The following RAVER2 variants were observed in gnomAD, a reference collection of about 807,000 sequenced individuals.
RAVER2 encodes the protein ribonucleoprotein, PTB binding 2.
RAVER2 carries 46 observed loss-of-function variants against 78.1 expected under a neutral mutation model. The ratio of observed to expected loss-of-function variants is 0.59; its 90% confidence interval spans 0.46 to 0.75. The LOEUF (loss-of-function observed/expected upper bound fraction) is 0.75, where lower values mean the gene tolerates loss of function less well. Ranked by LOEUF, RAVER2 falls within the 30% of genes least tolerant of loss-of-function variation. The probability of loss-of-function intolerance (pLI) is 0.00; values close to 1 mark genes in which losing one functional copy is unlikely to be tolerated. For missense variants in RAVER2, 793 were observed against 837.5 expected, an observed-to-expected ratio of 0.95 and a Z score of 0.66; for synonymous variants, 311 against 313.3, an observed-to-expected ratio of 0.99 and a Z score of 0.08.
intron 11 of RAVER2, among the ~76,000 whole-genome samples, chr1:64,828,009 C>CT (rs1421476510): frequency 1.3e-5 from 2 of 152,152 alleles, no homozygotes; most frequent in Non-Finnish European, 2.9e-5. Flanking sequence ...ACAGGCCTGG[C>CT]TTTTTTGCCA....
chr1:64,829,987 T>C (rs932067562), intron 11 of RAVER2, among the ~76,000 whole-genome samples: 5 of 152,176 alleles, frequency 3.3e-5, no homozygotes, highest in African/African-American at 1.2e-4. Context: ...CTTTTAAAAA[T>C]TGTGACCGTT....
intron 5 of RAVER2, among the ~76,000 whole-genome samples, chr1:64,799,128 C>T (rs900234135): frequency 1.3e-5 from 2 of 152,152 alleles, no homozygotes; most frequent in African/African-American, 4.8e-5. Context: ...ATGATTGTAC[C>T]TTCAACTTCT....
At chr1:64,760,430 A>G (rs1274267651) in intron 1 of RAVER2, among the ~76,000 whole-genome samples, 1 of 152,098 alleles carries the variant, frequency 6.6e-6, no homozygotes, top group Non-Finnish European at 1.5e-5. Context: ...AGTCCTGGGG[A>G]GAGAGATGGT....
chr1:64,811,569 A>T (rs1341645053), intron 9 of RAVER2, among the ~76,000 whole-genome samples: 1 of 152,222 alleles, frequency 6.6e-6, no homozygotes, highest in Non-Finnish European at 1.5e-5. Context: ...TCCATATTGT[A>T]AACAAATGAT....
intron 3 of RAVER2, among the ~76,000 whole-genome samples, chr1:64,779,991 C>A (rs1005543409): frequency 2.0e-5 from 3 of 151,466 alleles, no homozygotes; most frequent in African/African-American, 7.3e-5. Context: ...CTACTGATGC[C>A]GTGGACTTAA....
chr1:64,779,363 A>G (rs75167422), intron 3 of RAVER2, among the ~76,000 whole-genome samples: 3,481 of 150,994 alleles, frequency 0.023, 126 homozygotes, highest in African/African-American at 0.078. Flanking sequence ...CATGGGTGAA[A>G]TTTTGCAGTA....
intron 1 of RAVER2, among the ~76,000 whole-genome samples, chr1:64,758,908 TAATATTTACATATTA>T (rs1279898766): frequency 6.6e-6 from 1 of 151,862 alleles, no homozygotes; most frequent in African/African-American, 2.4e-5. Flanking sequence ...TTTAAATATT[TAATATTTACATATTA>T]AATATTTAAA....
At chr1:64,813,749 G>A (rs1297724830) in intron 10 of RAVER2, among the ~76,000 whole-genome samples, 1 of 150,602 alleles carries the variant, frequency 6.6e-6, no homozygotes, top group Non-Finnish European at 1.5e-5. Context: ...TATTGATCTG[G>A]TCTAAAAATT....
intron 4 of RAVER2, among the ~76,000 whole-genome samples, chr1:64,783,746 A>G (rs11208523): frequency 0.12 from 19,015 of 152,158 alleles, 1,380 homozygotes; most frequent in East Asian, 0.28. Context: ...AACCTAGGCA[A>G]TACCATTCAG....
At chr1:64,812,706 T>G in intron 9 of RAVER2, 32 bp from the exon 10 acceptor site, 1 of 1,442,284 alleles carries the variant, frequency 6.9e-7, no homozygotes, top group Non-Finnish European at 9.7e-7. Context: ...TACCTCTCAT[T>G]AAGTACTCCC....
exon 4 of RAVER2, chr1:64,781,434 A>G: frequency 6.2e-7 from 1 of 1,613,594 alleles, no homozygotes; most frequent in Non-Finnish European, 8.5e-7. Context: ...TGAATATAGC[A>G]CTGCGGAGCA....
intron 2 of RAVER2, among the ~76,000 whole-genome samples, chr1:64,772,300 A>G (rs1263069691): frequency 6.6e-6 from 1 of 152,160 alleles, no homozygotes; most frequent in African/African-American, 2.4e-5. Flanking sequence ...TCATTATGTT[A>G]TTTAAATTCT....
chr1:64,818,520 A>G (rs1653810857), intron 11 of RAVER2, among the ~76,000 whole-genome samples: 1 of 152,224 alleles, frequency 6.6e-6, no homozygotes, highest in Non-Finnish European at 1.5e-5. Context: ...TGGGCGACAG[A>G]GTGAGACTCC....
intron 1 of RAVER2, among the ~76,000 whole-genome samples, chr1:64,762,119 T>C (rs553603445): frequency 1.9e-4 from 29 of 152,338 alleles, no homozygotes; most frequent in Admixed American, 5.2e-4. Flanking sequence ...GATATTTCTG[T>C]ATACTAGCAA....
intron 3 of RAVER2, among the ~76,000 whole-genome samples, chr1:64,781,054 A>G (rs1007333938): frequency 2.6e-5 from 4 of 152,180 alleles, no homozygotes; most frequent in African/African-American, 4.8e-5. Flanking sequence ...AAGGAAAGCT[A>G]TAATTATTGT....
chr1:64,806,687 G>T (rs1034287876), intron 8 of RAVER2, among the ~76,000 whole-genome samples: 3 of 152,206 alleles, frequency 2.0e-5, no homozygotes, highest in Non-Finnish European at 4.4e-5. Context: ...TGATAGCTGG[G>T]AAGAGATGTG....
At chr1:64,829,871 G>T (rs747988301) in intron 11 of RAVER2, among the ~76,000 whole-genome samples, 7 of 152,126 alleles carry the variant, frequency 4.6e-5, no homozygotes, top group Admixed American at 3.3e-4. Context: ...ACCAGAGGAC[G>T]CAGCGTTCTT....
chr1:64,824,588 T>C (rs997454339), intron 11 of RAVER2, among the ~76,000 whole-genome samples: 1 of 152,144 alleles, frequency 6.6e-6, no homozygotes, highest in Non-Finnish European at 1.5e-5. Context: ...AAAGTACTTT[T>C]AAAAAGTGAT....
At chr1:64,796,540 A>G (rs1221556644) in intron 5 of RAVER2, among the ~76,000 whole-genome samples, 1 of 152,118 alleles carries the variant, frequency 6.6e-6, no homozygotes, top group Non-Finnish European at 1.5e-5. Flanking sequence ...GTAAGTTATC[A>G]AATTTATTGG....
Sources: gnomAD v4.1 joint callset for allele counts (sites outside exome capture counted in the v4.1 genomes callset) on GRCh38, gnomAD v4.1.1 for gene constraint, MANE v1.5 for transcripts, NCBI Gene and HGNC (gene_info 2026-07-23, HGNC 2026-07-21) for gene names.